PHC2: variants seen among roughly 807,000 people sequenced by gnomAD.
PHC2 encodes the protein polyhomeotic homolog 2.
In PHC2, 29 loss-of-function variants were observed where a neutral mutation model predicts 87.4. The ratio of observed to expected loss-of-function variants is 0.33; its 90% confidence interval spans 0.25 to 0.45. The LOEUF (loss-of-function observed/expected upper bound fraction) is 0.45, where lower values mean the gene tolerates loss of function less well. PHC2 is among the 20% of genes least tolerant of loss of function. The pLI is 1.00. For missense variants in PHC2, 857 were observed against 1,136.7 expected (o/e 0.75, Z 3.54); for synonymous variants, 438 against 461.7 (o/e 0.95, Z 0.66).
chr1:33,342,180 G>C (rs1032051924), intron 9 of PHC2, among the ~76,000 whole-genome samples: 3 of 152,250 alleles, frequency 2.0e-5, no homozygotes, highest in African/African-American at 4.8e-5. Flanking sequence ...GAGAGGCCAA[G>C]CCAGGGGACC....
rs1646339310 is a variant in PHC2 at position 33,325,036 on chromosome 1, A to G, written c.2426-17T>C. The stretch of plus-strand genomic sequence containing the variant: ...CCTGGCAGCCTGAGGGGGTACCACC[A>G]AAGACAGTGTCAATCCAAGCCGCCA... On this transcript the variant is annotated splice_polypyrimidine_tract_variant and intron_variant, in intron 14 of 14. Coordinates refer to ENST00000683057, the MANE Select transcript of PHC2 (RefSeq NM_001385109.1). 1.9e-6 allele frequency: 3 copies of G among 1,596,694 alleles called. No individual in the cohort carries two copies. The highest frequency in any genetic ancestry group is 2.6e-6 in the Non-Finnish European group (3 of 1,168,202).
chr1:33,427,451 A>C (rs1650725605), intron 1 of PHC2, among the ~76,000 whole-genome samples: 1 of 152,078 alleles, frequency 6.6e-6, no homozygotes, highest in Non-Finnish European at 1.5e-5. Context: ...TTCACTAATC[A>C]CTTTTCTATT....
rs1646909380 is a variant in PHC2 at position 33,349,278 on chromosome 1, G to A, written c.1558+5123C>T. 2 of 984,946 alleles carry A rather than the reference G, an allele frequency of 2.0e-6. No homozygotes were observed. Among genetic ancestry groups the A allele is most frequent in the African/African-American group, 3.5e-5 (2 of 57,210 alleles). The allele number at this position is 984,946 out of a possible 1,614,324, so 61.0% of individuals were successfully genotyped here. A position where few individuals can be genotyped will look rare whatever the true frequency, so the allele number is the denominator to read the frequency against. On this transcript the variant is annotated intron_variant, in intron 9 of 14. Transcript: ENST00000683057. The surrounding 1 kb of genome is among the most constrained non-coding windows in gnomAD (Gnocchi z 4.2). ...CCCCGAACGCACCGTCCGTCCCAGG[G>A]AAGTCGCAGCGGCGGGGAGGCCGGT...
At chr1:33,416,235 CA>C (rs1187648852) in intron 1 of PHC2, among the ~76,000 whole-genome samples, 15 of 151,796 alleles carry the variant, frequency 9.9e-5, no homozygotes, top group Admixed American at 5.2e-4. Context: ...TAAAAGTAAC[CA>C]GAGAAAAAAG....
Position 33,331,209 on chromosome 1 carries a change from C to T in PHC2, c.2006+139G>A, listed in dbSNP as rs1557817238. On this transcript the variant is annotated intron_variant, in intron 12 of 14. Transcript: ENST00000683057. The surrounding 1 kb of genome is among the most constrained non-coding windows in gnomAD (Gnocchi z 5.2). ...CTCGTGCTTGTTGAATTAGGGATGC[C>T]ATCCTGCTTCCAGGTGGGTCGAGGA... The T allele has an allele frequency of 2.0e-6, 1 of 501,666 alleles. No homozygotes were observed. The highest frequency in any genetic ancestry group is 3.7e-5 in the South Asian group (1 of 26,770). 31.1% of individuals were successfully genotyped at this position (501,666 alleles called of 1,614,324 possible).
intron 1 of PHC2, among the ~76,000 whole-genome samples, chr1:33,397,524 A>G (rs571318621): frequency 5.9e-5 from 9 of 152,318 alleles, no homozygotes; most frequent in Admixed American, 3.3e-4. Context: ...AAGGTTAAGT[A>G]ACTTGCTTAC....
rs1243738567 is a variant in PHC2, at chr1:33,368,917, G to A, written c.577-295C>T. On this transcript the variant is annotated intron_variant, in intron 5 of 14. Coordinates refer to ENST00000683057, the MANE Select transcript of PHC2 (RefSeq NM_001385109.1). The surrounding 1 kb of genome is among the most constrained non-coding windows in gnomAD (Gnocchi z 6.6). ...GCCGCTCTGGGGCTACACCAAAGCC[G>A]AGTTCCCTTCAGAACCCTCTGTGAG... is the stretch of plus-strand genomic sequence containing the variant. Among the ~76,000 whole-genome samples, 10 of 152,120 alleles carry A rather than the reference G, an allele frequency of 6.6e-5. No individual in the cohort carries two copies. Among genetic ancestry groups the A allele is most frequent in the Admixed American group, 1.3e-4 (2 of 15,284 alleles).
In PHC2 at chr1:33,331,241, A is replaced by T; in HGVS notation, c.2006+107T>A. 1 of 572,872 alleles carries T rather than the reference A, an allele frequency of 1.7e-6. No individual in the cohort carries two copies. The highest frequency in any genetic ancestry group is 3.1e-6 in the Non-Finnish European group (1 of 324,288). 35.5% of individuals were successfully genotyped at this position (572,872 alleles called of 1,614,324 possible). ...CTTCCAGGTGGGTCGAGGAACTAGG[A>T]AACTGGAGAAGCCACCCCTATGGAC... On this transcript the variant is annotated intron_variant, in intron 12 of 14. Transcript: ENST00000683057. This position sits in a 1 kb window ranked among gnomAD's most constrained non-coding sequence, Gnocchi z 5.2.
intron 1 of PHC2, among the ~76,000 whole-genome samples, chr1:33,420,057 T>C (rs950081562): frequency 5.3e-5 from 8 of 152,148 alleles, no homozygotes; most frequent in African/African-American, 1.9e-4. Context: ...AAGGAGCTAA[T>C]ATATTTGGGT....
chr1:33,410,448 C>T (rs999533093), intron 1 of PHC2, among the ~76,000 whole-genome samples: 6 of 152,198 alleles, frequency 3.9e-5, no homozygotes, highest in African/African-American at 1.4e-4. Flanking sequence ...AAAGGCCAAT[C>T]CTGTAAAAGA....
chr1:33,354,714 T>C (rs1444833160), intron 8 of PHC2, 124 bp downstream of exon 8: 1 of 1,338,488 alleles, frequency 7.5e-7, no homozygotes, highest in Admixed American at 2.3e-5. Flanking sequence ...CTCTTCCTTC[T>C]TGGAATCCCC....
intron 1 of PHC2, among the ~76,000 whole-genome samples, chr1:33,419,896 A>G (rs899560472): frequency 2.0e-5 from 3 of 150,610 alleles, no homozygotes; most frequent in African/African-American, 7.3e-5. Context: ...GGCGTGAGCC[A>G]CCGCGCCCGG....
rs905112041 is a variant in PHC2, at chr1:33,364,120, G to A, written c.976+2996C>T. Among the ~76,000 whole-genome samples the A allele has an allele frequency of 4.6e-5, 7 of 152,008 alleles. No individual in the cohort carries two copies. The highest frequency in any genetic ancestry group is 8.8e-5 in the Non-Finnish European group (6 of 67,998). ...CAGCAGGGAGCTTGCCATGGGGGAG[G>A]GGCTTTGCCCCCAAACAGCTGTCAG... On this transcript the variant is annotated intron_variant, in intron 7 of 14. Transcript: ENST00000683057. The surrounding 1 kb of genome is among the most constrained non-coding windows in gnomAD (Gnocchi z 4.1).
chr1:33,326,668 G>C (rs1329615397), intron 14 of PHC2, among the ~76,000 whole-genome samples: 1 of 152,168 alleles, frequency 6.6e-6, no homozygotes, highest in East Asian at 1.9e-4. Flanking sequence ...AAGAGTCAAA[G>C]GTAGGCCGGG....
At chr1:33,408,394 C>G (rs564472577) in intron 1 of PHC2, among the ~76,000 whole-genome samples, 3 of 152,310 alleles carry the variant, frequency 2.0e-5, no homozygotes, top group Non-Finnish European at 4.4e-5. Flanking sequence ...GTTCTTTCTC[C>G]TGACTAGACA....
intron 1 of PHC2, among the ~76,000 whole-genome samples, chr1:33,376,507 A>C (rs1378085073): frequency 6.6e-6 from 1 of 152,258 alleles, no homozygotes; most frequent in Admixed American, 6.5e-5. Context: ...CGTTCTCCCT[A>C]GCAGTGATCT....
At chr1:33,397,227 T>A (rs879736499) in intron 1 of PHC2, among the ~76,000 whole-genome samples, 2 of 152,142 alleles carry the variant, frequency 1.3e-5, no homozygotes, top group Admixed American at 1.3e-4. Context: ...GGAAATTGAA[T>A]GCCAGGGTTC....
chr1:33,419,348 T>G (rs1004675100), intron 1 of PHC2, among the ~76,000 whole-genome samples: 1 of 152,198 alleles, frequency 6.6e-6, no homozygotes, highest in African/African-American at 2.4e-5. Context: ...CAGCAGAAAC[T>G]TATTCTCTCA....
intron 1 of PHC2, among the ~76,000 whole-genome samples, chr1:33,412,228 C>A (rs761866360): frequency 2.6e-5 from 4 of 152,154 alleles, no homozygotes; most frequent in African/African-American, 9.7e-5. Flanking sequence ...GTAAATTGAT[C>A]GAGGTCACAA....
Sources: gnomAD v4.1 joint callset for allele counts (sites outside exome capture counted in the v4.1 genomes callset) on GRCh38, gnomAD v4.1.1 for gene constraint, Gnocchi (gnomAD v3.1) non-coding constraint, MANE v1.5 for transcripts, NCBI Gene and HGNC (gene_info 2026-07-23, HGNC 2026-07-21) for gene names.